The following CNTNAP2 variants were observed in gnomAD, a reference collection of about 807,000 sequenced individuals.
CNTNAP2 encodes the protein contactin associated protein 2.
A neutral mutation model predicts 155.2 loss-of-function variants in CNTNAP2; 98 were observed. The ratio of observed to expected loss-of-function variants is 0.63; its 90% confidence interval spans 0.54 to 0.75. CNTNAP2 has a LOEUF of 0.75. Among genes scored for constraint, CNTNAP2 ranks in the 30% least tolerant of loss-of-function variants. The probability of loss-of-function intolerance (pLI) is 0.00; values close to 1 mark genes in which losing one functional copy is unlikely to be tolerated. For missense variants in CNTNAP2, 1,727 were observed against 1,688.1 expected (o/e 1.02, Z -0.40); for synonymous variants, 651 against 631.2 (o/e 1.03, Z -0.47).
intron 21 of CNTNAP2, among the ~76,000 whole-genome samples, chr7:148,337,501 C>T (rs1056250482): frequency 2.0e-5 from 3 of 152,218 alleles, no homozygotes; most frequent in African/African-American, 7.2e-5. Context: ...GTTTGGGAAC[C>T]ACTGCTTTCA....
intron 13 of CNTNAP2, among the ~76,000 whole-genome samples, chr7:147,786,150 G>A (rs145775192): frequency 4.9e-4 from 74 of 152,190 alleles, no homozygotes; most frequent in African/African-American, 1.4e-3. Flanking sequence ...ATTAGCTGGC[G>A]CATGCCCAGC....
chr7:147,098,609 T>C (rs1800592292), intron 4 of CNTNAP2, among the ~76,000 whole-genome samples: 2 of 152,182 alleles, frequency 1.3e-5, no homozygotes, highest in Admixed American at 1.3e-4. Flanking sequence ...TGGACTAACT[T>C]TTGCCAACAA....
intron 1 of CNTNAP2, among the ~76,000 whole-genome samples, chr7:146,413,955 T>C (rs1795902367): frequency 6.6e-6 from 1 of 152,192 alleles, no homozygotes; most frequent in Non-Finnish European, 1.5e-5. Context: ...AGACCAGGTA[T>C]TTTGTAGCCT....
intron 1 of CNTNAP2, among the ~76,000 whole-genome samples, chr7:146,549,053 A>G (rs565837755): frequency 2.7e-5 from 4 of 148,180 alleles, no homozygotes; most frequent in Non-Finnish European, 6.0e-5. Flanking sequence ...TAAGAGTCCA[A>G]TTTCCTTTTT....
At chr7:146,779,415 C>T (rs1802444019) in intron 2 of CNTNAP2, among the ~76,000 whole-genome samples, 1 of 152,112 alleles carries the variant, frequency 6.6e-6, no homozygotes, top group South Asian at 2.1e-4. Context: ...AAATCCATAT[C>T]TTCTGCTGGA....
intron 15 of CNTNAP2, among the ~76,000 whole-genome samples, chr7:148,047,954 C>T (rs899024324): frequency 3.3e-5 from 5 of 151,722 alleles, no homozygotes; most frequent in African/African-American, 9.7e-5. Flanking sequence ...GACAGAGTCT[C>T]GCTTTGTCGC....
At chr7:147,284,439 A>G (rs1584845066) in intron 8 of CNTNAP2, among the ~76,000 whole-genome samples, 1 of 151,932 alleles carries the variant, frequency 6.6e-6, no homozygotes, top group East Asian at 1.9e-4. Flanking sequence ...TGTAATGAAT[A>G]TCACATATGT....
At position 147,984,583 on chromosome 7, in the gene CNTNAP2, G is replaced by A. The variant is rs907647317; in HGVS notation, c.2383+6594G>A. The stretch of plus-strand genomic sequence containing the variant: ...CTCTTATGCTCTCGGGGAGTGGCTG[G>A]GTCTAGCTGTTTGCTAATGAGGGGG... On this transcript the variant is annotated intron_variant, in intron 15 of 23. Transcript: ENST00000361727. 3.3e-5 allele frequency among the ~76,000 whole-genome samples: 5 copies of A among 152,022 alleles called. No individual in the cohort carries two copies. In the East Asian group the frequency reaches 9.7e-4, roughly 29 times the overall value.
intron 1 of CNTNAP2, among the ~76,000 whole-genome samples, chr7:146,236,663 G>A (rs568805214): frequency 7.9e-5 from 12 of 152,062 alleles, no homozygotes; most frequent in Non-Finnish European, 1.3e-4. Flanking sequence ...TAACCGATGA[G>A]AGCAGCAAAT....
rs367606141 is a variant in CNTNAP2, at chr7:146,308,762, G to A, written c.97+191789G>A. On this transcript the variant is annotated intron_variant, in intron 1 of 23. Transcript: ENST00000361727. ...AAACACCACATGTTCTCACTGATAGGTGGTAATTGAACAATAAAAACACTT... is the reference window on the plus strand; with the variant it reads ...AAACACCACATGTTCTCACTGATAGATGGTAATTGAACAATAAAAACACTT... Among the ~76,000 whole-genome samples the A allele has an allele frequency of 7.9e-5, 12 of 152,172 alleles. No individual in the cohort carries two copies. In the East Asian group the frequency reaches 1.2e-3, roughly 15 times the overall value.
intron 10 of CNTNAP2, among the ~76,000 whole-genome samples, chr7:147,406,409 T>G (rs1177789104): frequency 1.3e-5 from 2 of 152,226 alleles, no homozygotes; most frequent in African/African-American, 4.8e-5. Flanking sequence ...AGTCATAGAT[T>G]TTTCTATGCC....
intron 11 of CNTNAP2, among the ~76,000 whole-genome samples, chr7:147,489,934 A>G (rs1340631147): frequency 2.6e-5 from 4 of 152,158 alleles, no homozygotes; most frequent in South Asian, 2.1e-4. Flanking sequence ...TATATATACT[A>G]CTAGTTCCTT....
At chr7:148,195,401 G>A (rs74512222) in intron 18 of CNTNAP2, among the ~76,000 whole-genome samples, 1 of 152,316 alleles carries the variant, frequency 6.6e-6, no homozygotes, top group East Asian at 1.9e-4. Flanking sequence ...AAGGAAATGA[G>A]AAAGCAACTT....
At chr7:146,418,332 T>G (rs937865758) in intron 1 of CNTNAP2, among the ~76,000 whole-genome samples, 1 of 152,164 alleles carries the variant, frequency 6.6e-6, no homozygotes, top group African/African-American at 2.4e-5. Context: ...CTCCCTTAAA[T>G]AACCCCAGTG....
At chr7:146,644,344 A>G (rs1157871913) in intron 1 of CNTNAP2, among the ~76,000 whole-genome samples, 1 of 152,096 alleles carries the variant, frequency 6.6e-6, no homozygotes, top group Non-Finnish European at 1.5e-5. Context: ...TACCTAATTT[A>G]TGGAGAGTTT....
At chr7:146,282,202 A>G (rs975166852) in intron 1 of CNTNAP2, among the ~76,000 whole-genome samples, 1 of 152,218 alleles carries the variant, frequency 6.6e-6, no homozygotes, top group African/African-American at 2.4e-5. Flanking sequence ...CTACACCTAA[A>G]TGGTCTCGCT....
At chr7:146,538,893 T>G (rs1797909859) in intron 1 of CNTNAP2, among the ~76,000 whole-genome samples, 1 of 152,142 alleles carries the variant, frequency 6.6e-6, no homozygotes, top group South Asian at 2.1e-4. Flanking sequence ...ATCAAAAGTC[T>G]GATCAGTTGT....
Position 147,225,985 on chromosome 7 carries a change from G to GAGAAAGAA in CNTNAP2, c.1349-74143_1349-74136dup, listed in dbSNP as rs141223209. On this transcript the variant is annotated intron_variant, in intron 8 of 23. Transcript: ENST00000361727. ...AAAGGAAGAAAGAGAGAAAGAAAGA[G>GAGAAAGAA]AGAAAGAAAGAAAGAAAGAATGAAA... is the stretch of plus-strand genomic sequence containing the variant. Among the ~76,000 whole-genome samples the GAGAAAGAA allele has an allele frequency of 2.5e-3, 385 of 151,102 alleles. 1 individual carries two copies. The highest frequency in any genetic ancestry group is 8.8e-3 in the African/African-American group (363 of 41,130).
At chr7:147,979,234 T>C (rs990864901) in intron 15 of CNTNAP2, among the ~76,000 whole-genome samples, 8 of 152,200 alleles carry the variant, frequency 5.3e-5, no homozygotes, top group Non-Finnish European at 8.8e-5. Context: ...CTGGTCAAGA[T>C]CTTTATCACG....
Sources: gnomAD v4.1 joint callset for allele counts (sites outside exome capture counted in the v4.1 genomes callset) on GRCh38, gnomAD v4.1.1 for gene constraint, MANE v1.5 for transcripts, NCBI Gene and HGNC (gene_info 2026-07-23, HGNC 2026-07-21) for gene names.